Variants in ESYT2 observed in about 807,000 individuals in gnomAD.
The protein encoded by ESYT2 is extended synaptotagmin-2.
A neutral mutation model predicts 107.2 loss-of-function variants in ESYT2; 54 were observed. The observed-to-expected ratio is 0.50, with a 90% CI of 0.40 to 0.63. The LOEUF (loss-of-function observed/expected upper bound fraction) is 0.63, where lower values mean the gene tolerates loss of function less well. ESYT2 is among the 30% of genes least tolerant of loss of function. ESYT2 has a pLI of 0.00. For missense variants in ESYT2, 1,020 were observed against 1,094.5 expected, an observed-to-expected ratio of 0.93 and a Z score of 0.96; for synonymous variants, 491 against 434.1, an observed-to-expected ratio of 1.13 and a Z score of -1.63.
Position 158,761,553 on chromosome 7 carries a change from A to G in ESYT2, c.1185-9T>C, listed in dbSNP as rs1303207162. 5.6e-6 allele frequency: 9 copies of G among 1,612,264 alleles called. No individual in the cohort carries two copies. The highest frequency in any genetic ancestry group is 6.8e-6 in the Non-Finnish European group (8 of 1,178,518). On this transcript the variant is annotated splice_polypyrimidine_tract_variant and intron_variant, in intron 10 of 22. Transcript: ENST00000275418. The stretch of plus-strand genomic sequence containing the variant: ...TGAGGTCAATCATAAGACTATAAAA[A>G]TAACAATACGACAACTTTAGAACAT...
At chr7:158,740,250 C>T (rs1030117318) in intron 18 of ESYT2, among the ~76,000 whole-genome samples, 2 of 152,222 alleles carry the variant, frequency 1.3e-5, no homozygotes, top group Non-Finnish European at 1.5e-5. Flanking sequence ...ACGCGTGCTC[C>T]GCACAAGCTC....
rs767469150 is a variant in ESYT2 at position 158,741,628 on chromosome 7, G to A, written c.2063C>T (p.Ser688Phe). Residue 688 changes from serine (S) to phenylalanine (F), a missense_variant, in exon 18 of 23, where the codon TCC becomes TTC. Coordinates refer to ENST00000275418, the MANE Select transcript of ESYT2 (RefSeq NM_001367773.1). ...CTCCTTGACTGAGATGTGGCCTGGG[G>A]AGGCCAGGAGGCTGGAGGAGCTTCT... is the stretch of plus-strand genomic sequence containing the variant. ...LGRSSSSLLA[S>F]PGHISVKEPT... The A allele has an allele frequency of 2.5e-6, 4 of 1,613,454 alleles. No individual in the cohort carries two copies. The Admixed American group carries it at 5.0e-5, about 20-fold the overall frequency.
intron 14 of ESYT2, among the ~76,000 whole-genome samples, chr7:158,752,375 A>G (rs1837615622): frequency 6.6e-6 from 1 of 152,186 alleles, no homozygotes; most frequent in Non-Finnish European, 1.5e-5. Flanking sequence ...AACTCAACAT[A>G]TTGGAAGAGG....
At chr7:158,778,595 C>G (rs1368715941) in intron 6 of ESYT2, among the ~76,000 whole-genome samples, 1 of 152,102 alleles carries the variant, frequency 6.6e-6, no homozygotes, top group Non-Finnish European at 1.5e-5. Flanking sequence ...ATGTGGCAAT[C>G]TGAAAACCAT....
intron 16 of ESYT2, among the ~76,000 whole-genome samples, chr7:158,746,762 G>A (rs995445029): frequency 1.3e-5 from 2 of 152,130 alleles, no homozygotes; most frequent in African/African-American, 2.4e-5. Context: ...GCTGGGCACC[G>A]TGGCTCACAA....
intron 19 of ESYT2, among the ~76,000 whole-genome samples, chr7:158,738,484 C>T (rs954419995): frequency 2.0e-5 from 3 of 148,130 alleles, no homozygotes; most frequent in Non-Finnish European, 3.0e-5. Context: ...GACAAAGTTT[C>T]GCTCTTGTTG....
chr7:158,824,171 C>CCTTTCCCTTCTGTGT (rs1449762222), intron 1 of ESYT2, among the ~76,000 whole-genome samples: 2 of 152,152 alleles, frequency 1.3e-5, no homozygotes, highest in Non-Finnish European at 2.9e-5. Flanking sequence ...ACGGTCACAT[C>CCTTTCCCTTCTGTGT]CTTTCCCTTC....
In ESYT2 at chr7:158,778,847, C is replaced by CTT. The variant is rs1287355929; in HGVS notation, c.748-5453_748-5452dup. Among the ~76,000 whole-genome samples, 16 of 143,748 alleles carry CTT rather than the reference C, an allele frequency of 1.1e-4. 1 individual carries two copies. Among genetic ancestry groups the CTT allele is most frequent in the South Asian group, 4.5e-4 (2 of 4,490 alleles). The allele number at this position is 143,748 out of a possible 152,430, so 94.3% of individuals were successfully genotyped here. On this transcript the variant is annotated intron_variant, in intron 6 of 22. Transcript: ENST00000275418. The stretch of plus-strand genomic sequence containing the variant: ...CACACCGTGTGACTGGCTGGCTTCA[C>CTT]TTTTTTTTTTTTTTAACATGCTCCC...
chr7:158,809,296 T>C (rs1489513543), intron 1 of ESYT2, among the ~76,000 whole-genome samples: 3 of 151,548 alleles, frequency 2.0e-5, no homozygotes, highest in Non-Finnish European at 1.5e-5. Flanking sequence ...GCCAACATGG[T>C]GAAACCCCAT....
chr7:158,760,537 G>A (rs913777733), intron 11 of ESYT2, among the ~76,000 whole-genome samples: 9 of 152,166 alleles, frequency 5.9e-5, no homozygotes, highest in African/African-American at 1.9e-4. Flanking sequence ...GTCTTGCTGT[G>A]TTGCCCAGGC....
rs1277176175 is a variant in ESYT2, at chr7:158,829,259, C to T, written c.160G>A (p.Gly54Ser). The T allele has an allele frequency of 6.6e-7, 1 of 1,525,278 alleles. No homozygotes were observed. Among genetic ancestry groups the T allele is most frequent in the East Asian group, 2.6e-5 (1 of 38,900 alleles). The allele number at this position is 1,525,278 out of a possible 1,614,324, so 94.5% of individuals were successfully genotyped here. ...FALLLPVYAL[G>S]YLGLSFSWVL... ...CAGCTGAAGCTGAGCCCCAGGTAGC[C>T]CAGCGCGTACACGGGCAGCAGCAGC... is the stretch of plus-strand genomic sequence containing the variant. Residue 54 changes from glycine to serine, a missense_variant, in exon 1 of 23, where the codon GGC becomes AGC. Transcript: ENST00000275418.
At chr7:158,782,970 A>T (rs1838970709) in intron 6 of ESYT2, among the ~76,000 whole-genome samples, 1 of 152,216 alleles carries the variant, frequency 6.6e-6, no homozygotes, top group South Asian at 2.1e-4. Flanking sequence ...AGGGCCCGAT[A>T]AAGGCCTGGC....
chr7:158,788,448 A>G (rs753371416), intron 4 of ESYT2, 31 bp from the exon 5 acceptor site: 1 of 1,551,792 alleles, frequency 6.4e-7, no homozygotes, highest in Non-Finnish European at 8.8e-7. Flanking sequence ...ACATGATGTA[A>G]GTGAAATGAA....
rs148347708 is a variant in ESYT2 at position 158,740,927 on chromosome 7, A to C, written c.2168+596T>G. 4.6e-5 allele frequency among the ~76,000 whole-genome samples: 7 copies of C among 152,314 alleles called. No homozygotes were observed. The East Asian group carries it at 1.2e-3, about 25-fold the overall frequency. ...CACAGGGAGAACTATTTCAAAGGTC[A>C]ATTTTGTTTCTTCCACCAAGAGGAA... is the stretch of plus-strand genomic sequence containing the variant. On this transcript the variant is annotated intron_variant, in intron 18 of 22. Transcript: ENST00000275418.
chr7:158,776,333 C>G (rs112857465), intron 6 of ESYT2, among the ~76,000 whole-genome samples: 1 of 152,172 alleles, frequency 6.6e-6, no homozygotes, highest in African/African-American at 2.4e-5. Flanking sequence ...AGGCACTGAC[C>G]GCTCCTCTCT....
At chr7:158,799,330 C>A (rs1276784638) in intron 1 of ESYT2, among the ~76,000 whole-genome samples, 2 of 152,244 alleles carry the variant, frequency 1.3e-5, no homozygotes, top group African/African-American at 4.8e-5. Flanking sequence ...CTCTGCACCC[C>A]ACTGTCCAGA....
rs1838192951 is a variant in ESYT2, at chr7:158,767,203, TA to T, written c.924+450del. The stretch of plus-strand genomic sequence containing the variant: ...GTGCTTCTTCTACCAGGTTACTCAT[TA>T]AATGGCTTCAGAGGCAACGGAATTC... On this transcript the variant is annotated intron_variant, in intron 8 of 22. Transcript: ENST00000275418. Among the ~76,000 whole-genome samples, 3 of 152,224 alleles carry T rather than the reference TA, an allele frequency of 2.0e-5. No homozygotes were observed. In the South Asian group the frequency reaches 6.2e-4, roughly 31 times the overall value.
At chr7:158,824,933 CTTGAGCCCAAGAG>C (rs1028440260) in intron 1 of ESYT2, among the ~76,000 whole-genome samples, 9 of 152,206 alleles carry the variant, frequency 5.9e-5, no homozygotes, top group Admixed American at 3.3e-4. Flanking sequence ...AGGTGGTTCG[CTTGAGCCCAAGAG>C]TTGAGCCCAA....
intron 3 of ESYT2, among the ~76,000 whole-genome samples, chr7:158,796,291 A>T (rs577402299): frequency 8.6e-4 from 131 of 152,240 alleles, no homozygotes; most frequent in African/African-American, 2.7e-3. Context: ...ACTTCCCATG[A>T]TCAACTAAAT....
Sources: gnomAD v4.1 joint callset for allele counts (sites outside exome capture counted in the v4.1 genomes callset) on GRCh38, gnomAD v4.1.1 for gene constraint, MANE v1.5 for transcripts, NCBI Gene and HGNC (gene_info 2026-07-23, HGNC 2026-07-21) for gene names.